The following MAPK12 variants were observed in gnomAD, a reference collection of about 807,000 sequenced individuals.
MAPK12 encodes mitogen-activated protein kinase 12.
A neutral mutation model predicts 49.1 loss-of-function variants in MAPK12; 49 were observed. The observed-to-expected ratio is 1.00, with a 90% CI of 0.79 to 1.27. The LOEUF (loss-of-function observed/expected upper bound fraction) is 1.27, where lower values mean the gene tolerates loss of function less well. Ranked by LOEUF, MAPK12 falls within the 50% of genes most tolerant of loss-of-function variation. MAPK12 has a pLI of 0.00. For synonymous variants in MAPK12, 251 were observed against 209.7 expected (o/e 1.20, Z -1.70); for missense variants, 554 against 502.4 (o/e 1.10, Z -0.98).
At chr22:50,253,586 C>A in intron 11 of MAPK12, 106 bp from the exon 12 acceptor site, 1 of 687,032 alleles carries the variant, frequency 1.5e-6, no homozygotes. Flanking sequence ...TGGGGCCCTT[C>A]TCTAATCCTA....
intron 3 of MAPK12, chr22:50,257,607 GA>G: frequency 1.8e-6 from 1 of 561,932 alleles, no homozygotes; most frequent in South Asian, 2.1e-5. Context: ...AGAAATGAGG[GA>G]GGTGCCTGGG....
chr22:50,258,819 T>C (rs751999538), intron 2 of MAPK12, among the ~76,000 whole-genome samples: 1 of 152,028 alleles, frequency 6.6e-6, no homozygotes, highest in Admixed American at 6.5e-5. Flanking sequence ...CATTTTGGGG[T>C]GACGGTCCCA....
At position 50,253,253 on chromosome 22, in the gene MAPK12, T is replaced by C. The variant is rs2147252545; in HGVS notation, c.*148A>G. 1.4e-6 allele frequency: 1 copy of C among 705,256 alleles called. No homozygotes were observed. Among genetic ancestry groups the C allele is most frequent in the Admixed American group, 2.0e-5 (1 of 48,964 alleles). 43.7% of individuals were successfully genotyped at this position (705,256 alleles called of 1,614,324 possible). On this transcript the variant is annotated 3_prime_UTR_variant, in exon 12 of 12. Transcript: ENST00000215659. ...GCGCCCAAGAGCAGAGGCATGGCCG[T>C]GGGGAGGAGGGTCCATGGAACCCGG...
At chr22:50,255,008 G>C in intron 11 of MAPK12, 189 bp downstream of exon 11, 1 of 1,464,292 alleles carries the variant, frequency 6.8e-7, no homozygotes, top group Non-Finnish European at 9.0e-7. Context: ...CCCAGGGATG[G>C]GGATCTAGGA....
At chr22:50,253,502 G>GCA in intron 11 of MAPK12, 22 bp from the exon 12 acceptor site, 1 of 171,684 alleles carries the variant, frequency 5.8e-6, no homozygotes, top group Non-Finnish European at 1.1e-5. Context: ...GGGGGGGCGG[G>GCA]CACAACAGAG....
chr22:50,253,498 G>GGGGGGA lies in MAPK12; in HGVS notation c.1025-19_1025-18insTCCCCC. 4.3e-6 allele frequency: 2 copies of GGGGGGA among 466,300 alleles called. No individual in the cohort carries two copies. Among genetic ancestry groups the GGGGGGA allele is most frequent in the South Asian group, 1.6e-5 (1 of 61,428 alleles). 28.9% of individuals were successfully genotyped at this position (466,300 alleles called of 1,614,324 possible). ...AGTAACACCTGGCGGGGGTGGGGGG[G>GGGGGGA]CGGGCACAACAGAGAGGGGGGTCAG... is the stretch of plus-strand genomic sequence containing the variant. On this transcript the variant is annotated intron_variant, in intron 11 of 11. Coordinates refer to ENST00000215659, the MANE Select transcript of MAPK12 (RefSeq NM_002969.6).
chr22:50,258,589 C>T (rs538287540), intron 2 of MAPK12, among the ~76,000 whole-genome samples: 11 of 152,374 alleles, frequency 7.2e-5, no homozygotes, highest in Non-Finnish European at 1.3e-4. Flanking sequence ...GGGATGGCTC[C>T]GAACCATCCA....
chr22:50,256,811 C>A, intron 5 of MAPK12, 124 bp downstream of exon 5: 1 of 1,518,308 alleles, frequency 6.6e-7, no homozygotes, highest in Non-Finnish European at 8.9e-7. Flanking sequence ...CAGGTTCCCA[C>A]CAGGGGCTGT....
Position 50,261,661 on chromosome 22 carries a change from G to A in MAPK12, c.-152C>T. 6 of 855,300 alleles carry A rather than the reference G, an allele frequency of 7.0e-6. No homozygotes were observed. Among genetic ancestry groups the A allele is most frequent in the South Asian group, 5.4e-5 (1 of 18,596 alleles). 53.0% of individuals were successfully genotyped at this position (855,300 alleles called of 1,614,324 possible). On this transcript the variant is annotated 5_prime_UTR_variant, in exon 1 of 12. Transcript: ENST00000215659. The stretch of plus-strand genomic sequence containing the variant: ...CGGCCGCTGGGGCGCTCCCGCTCCC[G>A]GCCCTTCCCTCAGGGATGTCCCAGG...
chr22:50,260,903 C>T (rs540862519), intron 2 of MAPK12: 12 of 341,396 alleles, frequency 3.5e-5, no homozygotes, highest in African/African-American at 2.6e-4. Flanking sequence ...AGTCGTGTTC[C>T]CTGACCAGGG....
At chr22:50,256,272 A>AC (rs2065149665) in intron 6 of MAPK12, 73 bp from the exon 7 acceptor site, 1 of 1,186,876 alleles carries the variant, frequency 8.4e-7, no homozygotes, top group Non-Finnish European at 1.2e-6. Context: ...GGTCCAGGAG[A>AC]CCCCGGGGGG....
chr22:50,256,475 C>G, intron 6 of MAPK12, 124 bp downstream of exon 6: 1 of 1,287,316 alleles, frequency 7.8e-7, no homozygotes, highest in South Asian at 1.4e-5. Context: ...CACCCACCAG[C>G]TCCTCAGCCA....
chr22:50,259,917 G>A (rs999249051), intron 2 of MAPK12, among the ~76,000 whole-genome samples: 6 of 149,108 alleles, frequency 4.0e-5, no homozygotes, highest in East Asian at 2.0e-4. Flanking sequence ...GCCCCAGAGC[G>A]CTTGGCTGGA....
chr22:50,256,644 G>A lies in MAPK12; in HGVS notation c.459C>T (p.Asp153=), dbSNP rs775873615. The change falls in exon 6 of 12, where the codon GAC becomes GAT. Residue 153 remains aspartate (D), a splice_region_variant and synonymous_variant. Transcript: ENST00000215659. ...YIHAAGIIHR[D]LKPGNLAVNE... is the part of the protein sequence containing the mutation. The stretch of plus-strand genomic sequence containing the variant: ...TCACAGCCAGGTTGCCGGGCTTCAG[G>A]TCCTGGGGGCAGAGGAAAGGTGGCC... 7.4e-6 allele frequency: 12 copies of A among 1,611,166 alleles called. No homozygotes were observed. The highest frequency in any genetic ancestry group is 9.3e-6 in the Non-Finnish European group (11 of 1,178,886).
At position 50,261,453 on chromosome 22, in the gene MAPK12, C is replaced by G; in HGVS notation, c.57G>C (p.Thr19=). The G allele has an allele frequency of 7.8e-7, 1 of 1,283,688 alleles. No individual in the cohort carries two copies. Among genetic ancestry groups the G allele is most frequent in the Non-Finnish European group, 1.0e-6 (1 of 992,124 alleles). The allele number at this position is 1,283,688 out of a possible 1,614,324, so 79.5% of individuals were successfully genotyped here. A position where few individuals can be genotyped will look rare whatever the true frequency, so the allele number is the denominator to read the frequency against. ...GGTACACGGCGCGCACCTCCCAGGCCGTCTTGGTCACCTCCTGGCGGTAAA... is the reference window on the plus strand; with the variant it reads ...GGTACACGGCGCGCACCTCCCAGGCGGTCTTGGTCACCTCCTGGCGGTAAA... ...SGFYRQEVTK[T]AWEVRAVYRD... Residue 19 remains threonine, a synonymous_variant, in exon 1 of 12, where the codon ACG becomes ACC. Transcript: ENST00000215659.
rs752376042 is a variant in MAPK12, at chr22:50,256,686, C to G, written c.457-40G>C. Reference sequence around the variant, plus strand: ...AAGGTGGCCACTGTGCCCCACCCTCCCAAGCATGGGCACAGCCAAGAGCCT... The same window carrying G: ...AAGGTGGCCACTGTGCCCCACCCTCGCAAGCATGGGCACAGCCAAGAGCCT... On this transcript the variant is annotated intron_variant, in intron 5 of 11. Transcript: ENST00000215659. 1.9e-6 allele frequency: 3 copies of G among 1,590,004 alleles called. 1 individual carries two copies. The South Asian group carries it at 3.4e-5, about 18-fold the overall frequency.
rs952883933 is a variant in MAPK12, at chr22:50,253,169, G to A, written c.*232C>T. 5.3e-6 allele frequency: 3 copies of A among 571,372 alleles called. No individual in the cohort carries two copies. In the African/African-American group the frequency reaches 5.6e-5, roughly 11 times the overall value. 35.4% of individuals were successfully genotyped at this position (571,372 alleles called of 1,614,324 possible). A position where few individuals can be genotyped will look rare whatever the true frequency, so the allele number is the denominator to read the frequency against. On this transcript the variant is annotated 3_prime_UTR_variant, in exon 12 of 12. Coordinates refer to ENST00000215659, the MANE Select transcript of MAPK12 (RefSeq NM_002969.6). The stretch of plus-strand genomic sequence containing the variant: ...TGGGCCACTGCTCCAGGGATCAGAG[G>A]CCATCCCCAGGTCGGCCAGAGGTCT...
At chr22:50,257,259 G>T in intron 3 of MAPK12, 66 bp from the exon 4 acceptor site, 1 of 1,307,848 alleles carries the variant, frequency 7.6e-7, no homozygotes, top group South Asian at 1.2e-5. Flanking sequence ...GACCCACCCA[G>T]CAGGCCCAGG....
intron 3 of MAPK12, chr22:50,257,496 G>A: frequency 1.9e-6 from 1 of 522,502 alleles, no homozygotes; most frequent in Non-Finnish European, 3.5e-6. Context: ...CGCCCTGCGT[G>A]CCAGGCTAGG....
Sources: gnomAD v4.1 joint callset for allele counts (sites outside exome capture counted in the v4.1 genomes callset) on GRCh38, gnomAD v4.1.1 for gene constraint, MANE v1.5 for transcripts, NCBI Gene and HGNC (gene_info 2026-07-23, HGNC 2026-07-21) for gene names.